Variants in GPC1 observed in about 807,000 individuals in gnomAD.
GPC1 encodes glypican 1, also known as glypican-1.
A neutral mutation model predicts 51.5 loss-of-function variants in GPC1; 26 were observed. The observed-to-expected ratio is 0.50, with a 90% CI of 0.37 to 0.70. The LOEUF (loss-of-function observed/expected upper bound fraction) is 0.70, where lower values mean the gene tolerates loss of function less well. Ranked by LOEUF, GPC1 falls within the 30% of genes least tolerant of loss-of-function variation. The pLI is 0.00. For synonymous variants in GPC1, 380 were observed against 348.3 expected, an observed-to-expected ratio of 1.09 and a Z score of -1.01; for missense variants, 775 against 800.5, an observed-to-expected ratio of 0.97 and a Z score of 0.38.
chr2:240,463,839 A>C, intron 4 of GPC1: 1 of 382,970 alleles, frequency 2.6e-6, no homozygotes, highest in Non-Finnish European at 4.8e-6. Flanking sequence ...TGTTTAAGCT[A>C]ACACATACAT....
chr2:240,465,407 T>TCAG (rs1553548748), intron 7 of GPC1, 66 bp from the exon 8 acceptor site: 1 of 1,500,838 alleles, frequency 6.7e-7, no homozygotes, highest in Non-Finnish European at 9.2e-7. Context: ...GAGAGTGTCC[T>TCAG]GCTCAGGTGA....
At chr2:240,451,269 CGCG>C (rs986116997) in intron 1 of GPC1, 1 of 471,006 alleles carries the variant, frequency 2.1e-6, no homozygotes. Context: ...GACGGGCCTG[CGCG>C]GCGTCTTTGT....
intron 4 of GPC1, chr2:240,464,323 A>C: frequency 4.7e-6 from 2 of 428,704 alleles, no homozygotes; most frequent in Non-Finnish European, 8.8e-6. Flanking sequence ...TGCATGAGCC[A>C]GCGTGGACAT....
intron 4 of GPC1, chr2:240,463,796 G>A (rs1240057726): frequency 4.0e-6 from 2 of 495,370 alleles, no homozygotes; most frequent in Non-Finnish European, 7.2e-6. Flanking sequence ...GTGCATACAT[G>A]CCAACACGTG....
intron 1 of GPC1, among the ~76,000 whole-genome samples, chr2:240,454,634 A>G (rs752772831): frequency 2.0e-5 from 3 of 152,226 alleles, no homozygotes; most frequent in Admixed American, 6.5e-5. Context: ...GTGGGAGGCA[A>G]TGCAGGCTGA....
intron 3 of GPC1, among the ~76,000 whole-genome samples, 179 bp downstream of exon 3, chr2:240,462,761 G>A (rs771419221): frequency 5.9e-5 from 9 of 152,216 alleles, no homozygotes; most frequent in Non-Finnish European, 1.2e-4. Context: ...TGCTAACAGC[G>A]TACCCACAGA....
chr2:240,441,165 C>G (rs896488264), intron 1 of GPC1, among the ~76,000 whole-genome samples: 1 of 152,234 alleles, frequency 6.6e-6, no homozygotes. Context: ...TACAGCAGGA[C>G]GGGGGGCATA....
At chr2:240,458,716 C>G (rs1270876044) in intron 1 of GPC1, 1 of 338,438 alleles carries the variant, frequency 3.0e-6, no homozygotes, top group Non-Finnish European at 5.4e-6. Context: ...ACACAGGAAC[C>G]TGAGGCCAGT....
intron 1 of GPC1, among the ~76,000 whole-genome samples, chr2:240,439,223 C>G (rs974174378): frequency 1.3e-5 from 2 of 152,154 alleles, no homozygotes; most frequent in African/African-American, 4.8e-5. Flanking sequence ...GGCTGGCTCC[C>G]GGCCCAGGAT....
In GPC1 at chr2:240,435,979, G is replaced by C. The variant is rs2073980887; in HGVS notation, c.61G>C (p.Ala21Pro). The stretch of plus-strand genomic sequence containing the variant: ...TGCGGCCGCAGCGCTGGTCGCCTGC[G>C]CCCGCGGGGACCCGGCCAGCAAGAG... The part of the protein sequence containing the change: ...LCAAAALVAC[A>P]RGDPASKSRS... The change falls in exon 1 of 9, where the codon GCC becomes CCC. Residue 21 changes from alanine (A) to proline (P), a missense_variant. By Grantham distance (27) the Ala-to-Pro change is conservative. Coordinates refer to ENST00000264039, the MANE Select transcript of GPC1 (RefSeq NM_002081.3). 7.3e-7 allele frequency: 1 copy of C among 1,362,836 alleles called. No individual in the cohort carries two copies. The highest frequency in any genetic ancestry group is 9.5e-7 in the Non-Finnish European group (1 of 1,054,484). The allele number at this position is 1,362,836 out of a possible 1,614,324, so 84.4% of individuals were successfully genotyped here. A position where few individuals can be genotyped will look rare whatever the true frequency, so the allele number is the denominator to read the frequency against.
chr2:240,449,319 C>CG (rs200423198), intron 1 of GPC1: 1 of 145,898 alleles, frequency 6.9e-6, no homozygotes, highest in Admixed American at 6.8e-5. Context: ...AGGCGCCCCC[C>CG]CCCACCCCCA....
intron 1 of GPC1, among the ~76,000 whole-genome samples, chr2:240,452,608 G>A (rs13431676): frequency 0.24 from 36,008 of 152,050 alleles, 4,629 homozygotes; most frequent in African/African-American, 0.3. Flanking sequence ...GCGGAGAACA[G>A]GAGCAGCACC....
In GPC1 at chr2:240,464,688, C is replaced by T. The variant is rs536435940; in HGVS notation, c.956C>T (p.Thr319Met). 6.2e-5 allele frequency: 100 copies of T among 1,612,694 alleles called. No homozygotes were observed. The highest frequency in any genetic ancestry group is 8.3e-5 in the Non-Finnish European group (98 of 1,179,794). ...GVESVIGSVH[T>M]WLAEAINALQ... ...GAGAGTGTCATCGGCAGCGTGCACA[C>T]GTGGCTGGCGGAGGCCATCAACGCC... The change falls in exon 5 of 9, where the codon ACG (threonine) becomes ATG (methionine). Residue 319 changes from threonine to methionine, a missense_variant. Physicochemically the swap from Thr to Met is moderately conservative, Grantham distance 81 (BLOSUM62 -1). Coordinates refer to ENST00000264039, the MANE Select transcript of GPC1 (RefSeq NM_002081.3).
chr2:240,455,335 C>G (rs971027963), intron 1 of GPC1, among the ~76,000 whole-genome samples: 1 of 152,224 alleles, frequency 6.6e-6, no homozygotes. Context: ...GCTACAGCAA[C>G]TTCAGCCCAG....
rs759512286 is a variant in GPC1, at chr2:240,462,262, C to T, written c.397C>T (p.Leu133=). ...CACCTTCCCCGGCGCCTTCGGAGAG[C>T]TGTACACGCAGAACGCGAGGGCCTT... ...QATFPGAFGE[L]YTQNARAFRD... is the part of the protein sequence containing the mutation. Residue 133 remains leucine, a synonymous_variant, in exon 3 of 9, where the codon CTG becomes TTG. Coordinates refer to ENST00000264039, the MANE Select transcript of GPC1 (RefSeq NM_002081.3). 1.9e-6 allele frequency: 3 copies of T among 1,610,928 alleles called. No individual in the cohort carries two copies. The highest frequency in any genetic ancestry group is 2.2e-5 in the South Asian group (2 of 90,740).
chr2:240,437,840 C>T (rs1317860270), intron 1 of GPC1, among the ~76,000 whole-genome samples: 2 of 152,212 alleles, frequency 1.3e-5, no homozygotes, highest in Admixed American at 6.5e-5. Flanking sequence ...AGGAGCCAAC[C>T]TAACCTTCCT....
At chr2:240,465,779 C>CG (rs2074256456) in intron 8 of GPC1, 131 bp downstream of exon 8, 1 of 773,996 alleles carries the variant, frequency 1.3e-6, no homozygotes, top group Admixed American at 2.4e-5. Flanking sequence ...AGTCTGAGGA[C>CG]GCTGTGCTGC....
Position 240,464,598 on chromosome 2 carries a change from T to C in GPC1, c.884-18T>C. On this transcript the variant is annotated intron_variant, in intron 4 of 8. Coordinates refer to ENST00000264039, the MANE Select transcript of GPC1 (RefSeq NM_002081.3). Reference sequence around the variant, plus strand: ...GCGCGTTAACGCCTGTGTGTCCGCGTGTTAACGCCTGTCCTAGACTCCATG... The same window carrying C: ...GCGCGTTAACGCCTGTGTGTCCGCGCGTTAACGCCTGTCCTAGACTCCATG... The C allele has an allele frequency of 2.5e-6, 4 of 1,597,632 alleles. No homozygotes were observed. Among genetic ancestry groups the C allele is most frequent in the Non-Finnish European group, 3.4e-6 (4 of 1,170,254 alleles).
In GPC1 at chr2:240,459,031, T is replaced by C. The variant is rs755189307; in HGVS notation, c.168T>C (p.Gly56=). The C allele has an allele frequency of 9.9e-6, 16 of 1,612,428 alleles. No individual in the cohort carries two copies. Among genetic ancestry groups the C allele is most frequent in the Non-Finnish European group, 1.3e-5 (15 of 1,179,768 alleles). Residue 56 remains glycine (G), a splice_region_variant and synonymous_variant, in exon 2 of 9, where the codon GGT becomes GGC. Coordinates refer to ENST00000264039, the MANE Select transcript of GPC1 (RefSeq NM_002081.3). ...LSDVPQAEIS[G]EHLRICPQGY... ...CCTCACACTGGCCTTTCCCCACAGG[T>C]GAGCACCTGCGGATCTGTCCCCAGG...
Sources: allele counts gnomAD v4.1 joint callset (sites outside exome capture counted in the v4.1 genomes callset), GRCh38; gene constraint gnomAD v4.1.1; transcripts MANE v1.5; gene names NCBI Gene and HGNC (gene_info 2026-07-23, HGNC 2026-07-21).